The following RANBP2 variants were observed in gnomAD, a reference collection of about 807,000 sequenced individuals.
RANBP2 encodes RAN binding protein 2.
In RANBP2, 57 loss-of-function variants were observed where a neutral mutation model predicts 303.6. That is an observed-to-expected ratio of 0.19 (90% CI 0.15 to 0.23). RANBP2 has a LOEUF of 0.23. RANBP2 is among the 10% of genes least tolerant of loss of function. The pLI is 1.00. For missense variants in RANBP2, 3,138 were observed against 3,780.8 expected (o/e 0.83, Z 4.46); for synonymous variants, 1,167 against 1,301.5 (o/e 0.90, Z 2.23).
At chr2:109,396,440 C>T in the RANBP2 span, among the ~76,000 whole-genome samples, 3 of 152,244 alleles carry the variant, frequency 2.0e-5, no homozygotes, top group Non-Finnish European at 2.9e-5. Context: ...TGGGCCGGGT[C>T]TGAAGGCAGC....
At chr2:108,769,222 C>T (rs1014517325) in intron 20 of RANBP2, 1 of 985,014 alleles carries the variant, frequency 1.0e-6, no homozygotes, top group Non-Finnish European at 1.2e-6. Context: ...ATTTTGTTTC[C>T]TAAAATGTTA....
chr2:108,732,312 A>C (rs141320079), intron 4 of RANBP2, among the ~76,000 whole-genome samples: 9,027 of 152,202 alleles, frequency 0.059, 317 homozygotes, highest in South Asian at 0.15. Context: ...CAGGTTGAGC[A>C]TTTAAAATCC....
chr2:109,597,627 T>C, the RANBP2 span, among the ~76,000 whole-genome samples: 3 of 152,164 alleles, frequency 2.0e-5, no homozygotes, highest in Non-Finnish European at 4.4e-5. Context: ...TACATATATA[T>C]CACACACACA....
At chr2:109,050,339 A>G in the RANBP2 span, among the ~76,000 whole-genome samples, 161 of 152,146 alleles carry the variant, frequency 1.1e-3, no homozygotes, top group Middle Eastern at 3.4e-3. Context: ...CTGCAGCCTC[A>G]AACTCCTGGG....
At chr2:109,108,990 C>A in the RANBP2 span, among the ~76,000 whole-genome samples, 1 of 152,220 alleles carries the variant, frequency 6.6e-6, no homozygotes, top group Non-Finnish European at 1.5e-5. Context: ...ATAAGTGCTG[C>A]CTAATTCTCA....
chr2:109,449,333 G>A, the RANBP2 span: 34 of 1,604,638 alleles, frequency 2.1e-5, no homozygotes, highest in Middle Eastern at 1.7e-4. Context: ...GCCCACGGCC[G>A]GCCATCCCCC....
chr2:109,482,768 T>C, the RANBP2 span, among the ~76,000 whole-genome samples: 1 of 152,190 alleles, frequency 6.6e-6, no homozygotes, highest in East Asian at 1.9e-4. Flanking sequence ...GAACAACTGC[T>C]TCACCACTGA....
At chr2:109,053,873 G>C in the RANBP2 span, among the ~76,000 whole-genome samples, 1 of 150,734 alleles carries the variant, frequency 6.6e-6, no homozygotes, top group Non-Finnish European at 1.5e-5. Flanking sequence ...TCATCCATCT[G>C]CCTGGCACCG....
the RANBP2 span, among the ~76,000 whole-genome samples, chr2:109,132,705 G>A: frequency 1.3e-5 from 2 of 152,182 alleles, no homozygotes; most frequent in Non-Finnish European, 2.9e-5. Flanking sequence ...TGTTTTAATG[G>A]TACTGTCTAA....
chr2:109,150,863 G>GA, the RANBP2 span, among the ~76,000 whole-genome samples: 1 of 151,906 alleles, frequency 6.6e-6, no homozygotes, highest in Non-Finnish European at 1.5e-5. Context: ...CTATAAATGT[G>GA]AAAAAAAATA....
At chr2:109,196,685 G>C in the RANBP2 span, among the ~76,000 whole-genome samples, 1 of 152,174 alleles carries the variant, frequency 6.6e-6, no homozygotes, top group African/African-American at 2.4e-5. Context: ...TGAGGGGCTG[G>C]CTCTGTGAAT....
the RANBP2 span, among the ~76,000 whole-genome samples, chr2:109,417,046 G>A: frequency 3.3e-5 from 5 of 152,284 alleles, no homozygotes; most frequent in South Asian, 2.1e-4. Context: ...TCAGTGTGTC[G>A]AGCCTGTTGT....
At chr2:108,843,502 A>G in the RANBP2 span, among the ~76,000 whole-genome samples, 1 of 152,172 alleles carries the variant, frequency 6.6e-6, no homozygotes, top group African/African-American at 2.4e-5. Flanking sequence ...TTTTCTTAAC[A>G]TATTTTGATT....
the RANBP2 span, among the ~76,000 whole-genome samples, chr2:109,066,799 G>C: frequency 6.6e-6 from 1 of 152,102 alleles, no homozygotes; most frequent in Non-Finnish European, 1.5e-5. Context: ...GATTATGACA[G>C]AGCCGAGCGG....
the RANBP2 span, among the ~76,000 whole-genome samples, chr2:109,146,745 T>A: frequency 6.6e-6 from 1 of 152,204 alleles, no homozygotes; most frequent in South Asian, 2.1e-4. Context: ...TATCTTTTTT[T>A]ACAATCCTTC....
chr2:109,729,981 G>T, the RANBP2 span, among the ~76,000 whole-genome samples: 7 of 152,180 alleles, frequency 4.6e-5, no homozygotes, highest in Non-Finnish European at 8.8e-5. Context: ...AAAACCATCA[G>T]ATCTTGCCAG....
At chr2:109,512,158 T>C in the RANBP2 span, among the ~76,000 whole-genome samples, 1 of 152,188 alleles carries the variant, frequency 6.6e-6, no homozygotes, top group African/African-American at 2.4e-5. Context: ...CTCGGCCTGC[T>C]GGAAACTCTC....
the RANBP2 span, among the ~76,000 whole-genome samples, chr2:108,995,169 T>A: frequency 1.3e-5 from 2 of 151,976 alleles, no homozygotes; most frequent in Admixed American, 1.3e-4. Context: ...AATCAATGGA[T>A]TTTTTTCTAG....
chr2:109,646,068 C>T, the RANBP2 span, among the ~76,000 whole-genome samples: 3 of 152,206 alleles, frequency 2.0e-5, no homozygotes, highest in Admixed American at 1.3e-4. Context: ...ATGCTGTCCC[C>T]AACCTTCCCT....
Sources: allele counts gnomAD v4.1 joint callset (sites outside exome capture counted in the v4.1 genomes callset), GRCh38; gene constraint gnomAD v4.1.1; transcripts MANE v1.5; gene names NCBI Gene and HGNC (gene_info 2026-07-23, HGNC 2026-07-21).